The following ASPH variants were observed in gnomAD, a reference collection of about 807,000 sequenced individuals.
ASPH encodes aspartate beta-hydroxylase.
Under a neutral mutation model 118.4 loss-of-function variants are expected in ASPH, and 100 were observed. The observed-to-expected ratio is 0.84, with a 90% CI of 0.72 to 1.00. The LOEUF (loss-of-function observed/expected upper bound fraction) is 1.00, where lower values mean the gene tolerates loss of function less well. Ranked by LOEUF, ASPH falls within the 50% of genes least tolerant of loss-of-function variation. The pLI is 0.00. For missense variants in ASPH, 920 were observed against 919.5 expected (o/e 1.00, Z -0.01); for synonymous variants, 315 against 325.6 (o/e 0.97, Z 0.35).
At position 61,548,226 on chromosome 8, in the gene ASPH, A is replaced by G. The variant is rs1309123275; in HGVS notation, c.1627-18T>C. On this transcript the variant is annotated intron_variant, in intron 20 of 24. Transcript: ENST00000379454. ...TTATATGCCTGAAGGAACAGAAAGA[A>G]TGTGCTCCAAACTGTTCCTTCAACA... 6.2e-6 allele frequency: 10 copies of G among 1,609,010 alleles called. No individual in the cohort carries two copies. Among genetic ancestry groups the G allele is most frequent in the Non-Finnish European group, 8.5e-6 (10 of 1,177,536 alleles).
intron 1 of ASPH, among the ~76,000 whole-genome samples, chr8:61,698,625 G>T (rs1200949144): frequency 6.6e-6 from 1 of 152,122 alleles, no homozygotes. Flanking sequence ...AGAGGTTGGG[G>T]GTGGGGCTGA....
chr8:61,569,410 T>G (rs998727427), intron 16 of ASPH, among the ~76,000 whole-genome samples: 4 of 152,194 alleles, frequency 2.6e-5, no homozygotes, highest in South Asian at 2.1e-4. Flanking sequence ...TTAAAATGTG[T>G]GCTGTAGTTA....
chr8:61,634,498 G>T (rs1482455993), intron 12 of ASPH, among the ~76,000 whole-genome samples: 2 of 152,094 alleles, frequency 1.3e-5, no homozygotes, highest in Admixed American at 1.3e-4. Flanking sequence ...GCATTAATTT[G>T]CTTCTAATTA....
intron 24 of ASPH, among the ~76,000 whole-genome samples, chr8:61,505,746 CAA>C: frequency 6.6e-6 from 1 of 152,220 alleles, no homozygotes; most frequent in South Asian, 2.1e-4. Context: ...TCAAGGGTAG[CAA>C]AAGACAGAAA....
At chr8:61,556,318 C>T (rs552349044) in intron 18 of ASPH, among the ~76,000 whole-genome samples, 128 of 152,280 alleles carry the variant, frequency 8.4e-4, no homozygotes, top group African/African-American at 2.7e-3. Flanking sequence ...CAATGCAAAT[C>T]AGCAAAATAT....
In ASPH at chr8:61,582,570, G is replaced by A. The variant is rs1587630701; in HGVS notation, c.1062+1374C>T. 2.6e-5 allele frequency among the ~76,000 whole-genome samples: 4 copies of A among 152,284 alleles called. No individual in the cohort carries two copies. The South Asian group carries it at 8.3e-4, about 32-fold the overall frequency. On this transcript the variant is annotated intron_variant, in intron 15 of 24. Coordinates refer to ENST00000379454, the MANE Select transcript of ASPH (RefSeq NM_004318.4). ...ATCATTCCACGTGGTTAGATTTAAGGGAAGTGAACAATGACTTTGCTGCAA... is the reference window on the plus strand; with the variant it reads ...ATCATTCCACGTGGTTAGATTTAAGAGAAGTGAACAATGACTTTGCTGCAA...
chr8:61,537,370 T>C (rs1463970924), intron 21 of ASPH, among the ~76,000 whole-genome samples: 1 of 152,186 alleles, frequency 6.6e-6, no homozygotes, highest in African/African-American at 2.4e-5. Flanking sequence ...TGTATGTGCA[T>C]ATGCACATTT....
At chr8:61,575,194 A>G (rs978139731) in intron 16 of ASPH, among the ~76,000 whole-genome samples, 1 of 152,186 alleles carries the variant, frequency 6.6e-6, no homozygotes, top group African/African-American at 2.4e-5. Flanking sequence ...CTTAATAGGT[A>G]TGCTCTTCAT....
At position 61,576,782 on chromosome 8, in the gene ASPH, C is replaced by T; in HGVS notation, c.1139G>A (p.Gly380Glu). Residue 380 changes from glycine (G) to glutamate (E), a missense_variant, in exon 16 of 25, where the codon GGG (glycine) becomes GAG (glutamate). Gly to Glu is a moderately conservative substitution (Grantham distance 98). Transcript: ENST00000379454. ...AGGGTCTCAGAATACCTGCGCCTTCCCATATCTTGCTCGTGGACTCTGAGG... is the reference window on the plus strand; with the variant it reads ...AGGGTCTCAGAATACCTGCGCCTTCTCATATCTTGCTCGTGGACTCTGAGG... The part of the protein sequence containing the change: ...KYPQSPRARY[G>E]KAQCEDDLAE... The T allele has an allele frequency of 6.2e-7, 1 of 1,608,782 alleles. No individual in the cohort carries two copies. The highest frequency in any genetic ancestry group is 8.5e-7 in the Non-Finnish European group (1 of 1,176,874).
At chr8:61,563,473 G>GA (rs1167568844) in intron 17 of ASPH, among the ~76,000 whole-genome samples, 1 of 152,032 alleles carries the variant, frequency 6.6e-6, no homozygotes, top group Non-Finnish European at 1.5e-5. Context: ...CATGAATCAT[G>GA]AAAAAACCCA....
At chr8:61,566,512 G>C (rs1330880973) in intron 17 of ASPH, among the ~76,000 whole-genome samples, 8 of 152,264 alleles carry the variant, frequency 5.3e-5, no homozygotes, top group African/African-American at 1.9e-4. Context: ...TGATAAGGCA[G>C]TGGCAGGGTT....
chr8:61,571,388 T>C (rs1490820601), intron 16 of ASPH, among the ~76,000 whole-genome samples: 1 of 152,068 alleles, frequency 6.6e-6, no homozygotes, highest in African/African-American at 2.4e-5. Flanking sequence ...TACCTCAGTC[T>C]GCAGATGCTC....
At chr8:61,663,724 G>C in intron 3 of ASPH, 1 of 971,942 alleles carries the variant, frequency 1.0e-6, no homozygotes, top group Non-Finnish European at 1.2e-6. Flanking sequence ...TAATTTTTAA[G>C]CAATAAAATA....
chr8:61,628,039 C>T (rs1352194965), intron 13 of ASPH, among the ~76,000 whole-genome samples: 4 of 152,038 alleles, frequency 2.6e-5, no homozygotes, highest in South Asian at 4.1e-4. Context: ...GCTTAGCCTA[C>T]GGTAGCTGCT....
chr8:61,507,171 G>A (rs183721898), intron 24 of ASPH, among the ~76,000 whole-genome samples: 33 of 152,236 alleles, frequency 2.2e-4, no homozygotes, highest in East Asian at 9.6e-4. Context: ...TATTAGCACC[G>A]GAACACGCTG....
At chr8:61,675,817 CCAAGAA>C in intron 3 of ASPH, 1 of 1,281,254 alleles carries the variant, frequency 7.8e-7, no homozygotes, top group Non-Finnish European at 9.9e-7. Flanking sequence ...AATTATACCA[CCAAGAA>C]CATCATTTTC....
chr8:61,550,132 A>G (rs938853963), intron 20 of ASPH, among the ~76,000 whole-genome samples: 5 of 152,190 alleles, frequency 3.3e-5, no homozygotes, highest in Non-Finnish European at 5.9e-5. Context: ...AATATGTGAC[A>G]CAGGGGACCC....
intron 13 of ASPH, among the ~76,000 whole-genome samples, chr8:61,626,507 G>T (rs752572543): frequency 9.9e-5 from 15 of 152,012 alleles, no homozygotes; most frequent in Non-Finnish European, 1.9e-4. Flanking sequence ...TCGAGCACTT[G>T]AGAATTAAAA....
rs569839163 is a variant in ASPH, at chr8:61,542,777, G to A, written c.1764+5294C>T. On this transcript the variant is annotated intron_variant, in intron 21 of 24. Coordinates refer to ENST00000379454, the MANE Select transcript of ASPH (RefSeq NM_004318.4). ...AACTGCCTTTAATATCTATTGTAGA[G>A]CAAGAAATATTGGCTAGCATTAACT... Among the ~76,000 whole-genome samples, 12 of 152,014 alleles carry A rather than the reference G, an allele frequency of 7.9e-5. No homozygotes were observed. The South Asian group carries it at 1.7e-3, about 21-fold the overall frequency.
Sources: allele counts gnomAD v4.1 joint callset (sites outside exome capture counted in the v4.1 genomes callset), GRCh38; gene constraint gnomAD v4.1.1; transcripts MANE v1.5; gene names NCBI Gene and HGNC (gene_info 2026-07-23, HGNC 2026-07-21).